Variants in DCAF1 observed in about 807,000 individuals in gnomAD.
DCAF1 encodes the protein DDB1 and CUL4 associated factor 1.
Under a neutral mutation model 128.0 loss-of-function variants are expected in DCAF1, and 15 were observed. The ratio of observed to expected loss-of-function variants is 0.12; its 90% CI spans 0.08 to 0.18. The LOEUF (loss-of-function observed/expected upper bound fraction) is 0.18, where lower values mean the gene tolerates loss of function less well. Ranked by LOEUF, DCAF1 falls within the 10% of genes least tolerant of loss-of-function variation. DCAF1 has a pLI of 1.00. For missense variants in DCAF1, 988 were observed against 1,649.5 expected, an observed-to-expected ratio of 0.60 and a Z score of 6.95; for synonymous variants, 610 against 603.0, an observed-to-expected ratio of 1.01 and a Z score of -0.17.
chr3:51,477,100 G>A (rs1243995674), intron 3 of DCAF1, among the ~76,000 whole-genome samples: 1 of 151,770 alleles, frequency 6.6e-6, no homozygotes, highest in Non-Finnish European at 1.5e-5. Context: ...ACAAAAAAAA[G>A]CCCACTCGCA....
At chr3:51,491,488 C>A (rs1553657935) in intron 2 of DCAF1, among the ~76,000 whole-genome samples, 1 of 152,010 alleles carries the variant, frequency 6.6e-6, no homozygotes, top group African/African-American at 2.4e-5. Context: ...CAGCAATAAG[C>A]ACTCACATCT....
At chr3:51,482,702 T>C (rs1473729835) in intron 3 of DCAF1, among the ~76,000 whole-genome samples, 2 of 144,710 alleles carry the variant, frequency 1.4e-5, no homozygotes, top group African/African-American at 5.2e-5. Context: ...GAGGCGGAGG[T>C]TGCAGTGAGC....
At chr3:51,500,180 A>G (rs1708722563), upstream of DCAF1, among the ~76,000 whole-genome samples, 1 of 149,508 alleles carries the variant, frequency 6.7e-6, no homozygotes, top group African/African-American at 2.5e-5. Flanking sequence ...CGCCTGGGAA[A>G]TGAAGTTCCG....
intron 4 of DCAF1, among the ~76,000 whole-genome samples, chr3:51,470,396 A>C (rs2108202087): frequency 6.6e-6 from 1 of 152,210 alleles, no homozygotes; most frequent in South Asian, 2.1e-4. Context: ...CCCCATCTCT[A>C]CAAAAAAATA....
intron 3 of DCAF1, among the ~76,000 whole-genome samples, chr3:51,472,672 T>G (rs1302541613): frequency 6.7e-6 from 1 of 148,902 alleles, no homozygotes; most frequent in Non-Finnish European, 1.5e-5. Context: ...ATTAATGCAT[T>G]TTTTTTTTTT....
chr3:51,417,737 G>GA (rs782765221), intron 17 of DCAF1, among the ~76,000 whole-genome samples: 17 of 79,466 alleles, frequency 2.1e-4, no homozygotes, highest in East Asian at 1.6e-3. Flanking sequence ...ATAAAAAAAA[G>GA]AAAAAAAAAA....
chr3:51,446,070 T>C (rs1376768036), intron 6 of DCAF1, among the ~76,000 whole-genome samples: 1 of 150,348 alleles, frequency 6.7e-6, no homozygotes, highest in Non-Finnish European at 1.5e-5. Flanking sequence ...CTCGACTCAG[T>C]GCAACCTCCA....
chr3:51,444,970 C>G (rs528203835), intron 6 of DCAF1, among the ~76,000 whole-genome samples: 2 of 151,926 alleles, frequency 1.3e-5, no homozygotes, highest in African/African-American at 4.8e-5. Context: ...CCACCATGCC[C>G]GGCCCCCAAA....
At chr3:51,469,807 G>C (rs544734699) in intron 4 of DCAF1, among the ~76,000 whole-genome samples, 2 of 151,928 alleles carry the variant, frequency 1.3e-5, no homozygotes, top group African/African-American at 4.8e-5. Context: ...GATCACTTGA[G>C]GTCAGGAGTT....
intron 3 of DCAF1, among the ~76,000 whole-genome samples, chr3:51,475,996 T>C (rs1553650428): frequency 6.6e-6 from 1 of 152,210 alleles, no homozygotes; most frequent in Non-Finnish European, 1.5e-5. Flanking sequence ...TTACAGAGTT[T>C]CCCTGGGTTT....
At chr3:51,467,661 A>G (rs1704272928) in intron 4 of DCAF1, among the ~76,000 whole-genome samples, 1 of 152,042 alleles carries the variant, frequency 6.6e-6, no homozygotes, top group Non-Finnish European at 1.5e-5. Context: ...AAATATATAT[A>G]TAAAAAAAGA....
At chr3:51,492,344 T>C (rs1553658449) in intron 2 of DCAF1, among the ~76,000 whole-genome samples, 1 of 151,584 alleles carries the variant, frequency 6.6e-6, no homozygotes, top group Non-Finnish European at 1.5e-5. Context: ...TGAAACCCCA[T>C]CTCTACTAAA....
Position 51,420,344 on chromosome 3 carries a change from G to T in DCAF1, c.2626C>A (p.Leu876Met). Residue 876 changes from leucine to methionine, a missense_variant, in exon 15 of 25, where the codon CTG (leucine) becomes ATG (methionine). Around this residue, in one of 11 missense-constraint regions of DCAF1, gnomAD observed 76 missense variants for 186.9 expected, o/e 0.41. Coordinates refer to ENST00000684031, the MANE Select transcript of DCAF1 (RefSeq NM_001387579.1). This position sits in a 1 kb window ranked among gnomAD's most constrained non-coding sequence, Gnocchi z 6.5. Reference protein sequence around the residue: ...TATVLTKEADLPMTAASHSSA... With the variant: ...TATVLTKEADMPMTAASHSSA... ...GAATGGGAGGCAGCAGTCATGGGCA[G>T]GTCAGCCTCTTTTGTCAGCACGGTT... 6.2e-7 allele frequency: 1 copy of T among 1,614,062 alleles called. No individual in the cohort carries two copies. The highest frequency in any genetic ancestry group is 8.5e-7 in the Non-Finnish European group (1 of 1,179,906).
chr3:51,442,752 C>T (rs1184513235), intron 7 of DCAF1, among the ~76,000 whole-genome samples: 4 of 151,890 alleles, frequency 2.6e-5, no homozygotes, highest in Non-Finnish European at 4.4e-5. Flanking sequence ...CTTTGAACTG[C>T]GTTTTTTAAA....
chr3:51,466,027 C>T (rs1171539797), intron 5 of DCAF1, among the ~76,000 whole-genome samples: 1 of 151,912 alleles, frequency 6.6e-6, no homozygotes, highest in African/African-American at 2.4e-5. Flanking sequence ...GGTGAAAGCC[C>T]ATCTCTACTA....
At chr3:51,502,108 A>G (rs1222171054), upstream of DCAF1, among the ~76,000 whole-genome samples, 9 of 152,038 alleles carry the variant, frequency 5.9e-5, no homozygotes, top group Admixed American at 3.3e-4. Flanking sequence ...CCCTCTGACT[A>G]TGGTCTAGCC....
intron 2 of DCAF1, among the ~76,000 whole-genome samples, chr3:51,493,871 C>T (rs1169225898): frequency 6.6e-6 from 1 of 151,674 alleles, no homozygotes; most frequent in Non-Finnish European, 1.5e-5. Context: ...GTGGCATGCG[C>T]CTGTAGTCCT....
In DCAF1 at chr3:51,414,048, G is replaced by C. The variant is rs781948576; in HGVS notation, c.3838-5C>G. On this transcript the variant is annotated splice_polypyrimidine_tract_variant and splice_region_variant and intron_variant, in intron 19 of 24. Transcript: ENST00000684031. The stretch of plus-strand genomic sequence containing the variant: ...ATGAAAAGTTCGAAGGTCCCACTAG[G>C]AGGGGAATGGTCAAGGAAAACTATT... 1 of 1,595,756 alleles carries C rather than the reference G, an allele frequency of 6.3e-7. No homozygotes were observed. Among genetic ancestry groups the C allele is most frequent in the Admixed American group, 1.8e-5 (1 of 56,738 alleles).
At chr3:51,459,200 C>A (rs1336436704) in intron 6 of DCAF1, among the ~76,000 whole-genome samples, 2 of 152,070 alleles carry the variant, frequency 1.3e-5, no homozygotes, top group Admixed American at 6.6e-5. Flanking sequence ...ATCAAATAGA[C>A]ACAATAAAAA....
Sources: allele counts gnomAD v4.1 joint callset (sites outside exome capture counted in the v4.1 genomes callset), GRCh38; gene constraint gnomAD v4.1.1; regional missense constraint gnomAD v4.1.1; non-coding constraint Gnocchi (gnomAD v3.1); transcripts MANE v1.5; gene names NCBI Gene and HGNC (gene_info 2026-07-23, HGNC 2026-07-21).